The following SGCZ variants were observed in gnomAD, a reference collection of about 807,000 sequenced individuals.
SGCZ encodes the protein sarcoglycan zeta.
In SGCZ, 40 loss-of-function variants were observed where a neutral mutation model predicts 41.3. The ratio of observed to expected loss-of-function variants is 0.97; its 90% CI spans 0.75 to 1.26. SGCZ has a LOEUF of 1.26. Among genes scored for constraint, SGCZ ranks in the 50% most tolerant of loss-of-function variants. The pLI is 0.00. For missense variants in SGCZ, 552 were observed against 369.8 expected (o/e 1.49, Z -4.04); for synonymous variants, 206 against 137.5 (o/e 1.50, Z -3.49).
At chr8:14,449,404 T>C (rs1027809748) in intron 2 of SGCZ, among the ~76,000 whole-genome samples, 3 of 152,160 alleles carry the variant, frequency 2.0e-5, no homozygotes, top group Non-Finnish European at 2.9e-5. Context: ...ATCATTTGTG[T>C]CCCAATATTT....
At chr8:15,056,460 CA>C (rs1804706808) in intron 1 of SGCZ, among the ~76,000 whole-genome samples, 1 of 150,384 alleles carries the variant, frequency 6.6e-6, no homozygotes, top group Admixed American at 6.6e-5. Context: ...GTAAGTTGAA[CA>C]AAAAACTCAC....
At chr8:14,116,178 T>A (rs527776449) in intron 5 of SGCZ, among the ~76,000 whole-genome samples, 1 of 152,234 alleles carries the variant, frequency 6.6e-6, no homozygotes, top group South Asian at 2.1e-4. Context: ...TATCTGAAAC[T>A]TCTACAAATA....
intron 3 of SGCZ, among the ~76,000 whole-genome samples, chr8:14,274,587 T>G (rs961719346): frequency 6.6e-6 from 1 of 152,168 alleles, no homozygotes; most frequent in Non-Finnish European, 1.5e-5. Flanking sequence ...ACCATGTTAT[T>G]GTATATAACA....
At chr8:14,125,704 C>A (rs1361280644) in intron 5 of SGCZ, among the ~76,000 whole-genome samples, 1 of 152,096 alleles carries the variant, frequency 6.6e-6, no homozygotes, top group African/African-American at 2.4e-5. Flanking sequence ...AAGCTGGAGG[C>A]ATCACACTAC....
At chr8:15,017,436 A>T (rs1803080269) in intron 1 of SGCZ, among the ~76,000 whole-genome samples, 2 of 152,272 alleles carry the variant, frequency 1.3e-5, no homozygotes, top group Non-Finnish European at 2.9e-5. Flanking sequence ...GTAAATTTTT[A>T]AAAGACCTAT....
chr8:14,954,395 T>G (rs1159689788), intron 1 of SGCZ, among the ~76,000 whole-genome samples: 1 of 152,160 alleles, frequency 6.6e-6, no homozygotes, highest in Non-Finnish European at 1.5e-5. Flanking sequence ...AAGGTTGTCT[T>G]CAATGATTTC....
chr8:14,489,802 A>G (rs1207112904), intron 2 of SGCZ, among the ~76,000 whole-genome samples: 3 of 151,526 alleles, frequency 2.0e-5, no homozygotes, highest in African/African-American at 4.9e-5. Context: ...GCCTAATCAC[A>G]TTGACTAACC....
At chr8:14,431,896 G>A (rs771672629) in intron 2 of SGCZ, among the ~76,000 whole-genome samples, 1 of 152,020 alleles carries the variant, frequency 6.6e-6, no homozygotes, top group Non-Finnish European at 1.5e-5. Context: ...CTTAAAAGAA[G>A]ATACACCAAT....
intron 4 of SGCZ, among the ~76,000 whole-genome samples, chr8:14,233,122 A>G (rs1352034072): frequency 6.6e-6 from 1 of 151,994 alleles, no homozygotes; most frequent in Non-Finnish European, 1.5e-5. Context: ...AGCTAGCTCT[A>G]CCAGTTAAGA....
intron 1 of SGCZ, among the ~76,000 whole-genome samples, chr8:14,898,636 C>A (rs749845764): frequency 4.6e-5 from 7 of 151,906 alleles, no homozygotes; most frequent in Admixed American, 1.3e-4. Flanking sequence ...TATATATAAG[C>A]GAGAATCGAA....
chr8:14,091,353 C>T (rs1393755264), intron 7 of SGCZ, among the ~76,000 whole-genome samples: 2 of 151,830 alleles, frequency 1.3e-5, no homozygotes, highest in African/African-American at 2.4e-5. Context: ...TATATACCCA[C>T]AAATGGGATT....
chr8:14,229,373 A>T (rs1806482851), intron 4 of SGCZ, among the ~76,000 whole-genome samples: 1 of 152,056 alleles, frequency 6.6e-6, no homozygotes, highest in African/African-American at 2.4e-5. Flanking sequence ...AAAGACTGAG[A>T]GCTCTAATTT....
intron 1 of SGCZ, among the ~76,000 whole-genome samples, chr8:15,139,546 G>T (rs1563146340): frequency 6.6e-6 from 1 of 152,056 alleles, no homozygotes; most frequent in Non-Finnish European, 1.5e-5. Flanking sequence ...GGCACTATAA[G>T]AAACCTATAG....
chr8:15,159,780 C>A (rs1419829124), intron 1 of SGCZ, among the ~76,000 whole-genome samples: 6 of 123,074 alleles, frequency 4.9e-5, no homozygotes, highest in African/African-American at 1.6e-4. Context: ...CAGATGGTGT[C>A]TGAATCAGCT....
chr8:14,138,908 G>A (rs542196831), intron 5 of SGCZ, among the ~76,000 whole-genome samples: 4 of 152,028 alleles, frequency 2.6e-5, no homozygotes, highest in Non-Finnish European at 5.9e-5. Flanking sequence ...GCACCAAATC[G>A]CACTTATTCC....
intron 1 of SGCZ, among the ~76,000 whole-genome samples, chr8:14,628,994 C>G (rs1353228404): frequency 6.6e-6 from 1 of 152,064 alleles, no homozygotes; most frequent in African/African-American, 2.4e-5. Flanking sequence ...TCACTTAACA[C>G]AGGATGTTTG....
intron 1 of SGCZ, among the ~76,000 whole-genome samples, chr8:14,677,742 G>C (rs149737885): frequency 1.3e-5 from 2 of 152,240 alleles, no homozygotes; most frequent in African/African-American, 4.8e-5. Context: ...GTAAACTCCA[G>C]TATGGGCAAC....
At chr8:14,230,796 T>A (rs997710079) in intron 4 of SGCZ, among the ~76,000 whole-genome samples, 2 of 151,158 alleles carry the variant, frequency 1.3e-5, no homozygotes, top group Admixed American at 1.3e-4. Context: ...CATCTCTTAA[T>A]AATCAAAGTG....
At chr8:15,136,738 C>A (rs1373829471) in intron 1 of SGCZ, among the ~76,000 whole-genome samples, 1 of 152,180 alleles carries the variant, frequency 6.6e-6, no homozygotes, top group Non-Finnish European at 1.5e-5. Context: ...TTTCCTGAGG[C>A]CTCCCCAGCC....
Sources: gnomAD v4.1 joint callset for allele counts (sites outside exome capture counted in the v4.1 genomes callset) on GRCh38, gnomAD v4.1.1 for gene constraint, MANE v1.5 for transcripts, NCBI Gene and HGNC (gene_info 2026-07-23, HGNC 2026-07-21) for gene names.